The following AGBL4 variants were observed in gnomAD, a reference collection of about 807,000 sequenced individuals.
AGBL4 encodes the protein AGBL carboxypeptidase 4, also known as cytosolic carboxypeptidase 6.
Under a neutral mutation model 66.4 loss-of-function variants are expected in AGBL4, and 58 were observed. That is an observed-to-expected ratio of 0.87 (90% CI 0.71 to 1.09). The LOEUF (loss-of-function observed/expected upper bound fraction) is 1.09, where lower values mean the gene tolerates loss of function less well. Among genes scored for constraint, AGBL4 ranks in the 50% least tolerant of loss-of-function variants. The probability of loss-of-function intolerance (pLI) is 0.00; values close to 1 mark genes in which losing one functional copy is unlikely to be tolerated. For synonymous variants in AGBL4, 234 were observed against 222.9 expected (o/e 1.05, Z -0.44); for missense variants, 579 against 631.0 (o/e 0.92, Z 0.88).
At chr1:48,772,712 T>A (rs1644896993) in intron 6 of AGBL4, among the ~76,000 whole-genome samples, 1 of 152,096 alleles carries the variant, frequency 6.6e-6, no homozygotes, top group South Asian at 2.1e-4. Flanking sequence ...CTAAAAGCAA[T>A]TGGGAAAATA....
chr1:49,655,479 G>C (rs1373545871), intron 3 of AGBL4, among the ~76,000 whole-genome samples: 3 of 152,128 alleles, frequency 2.0e-5, no homozygotes, highest in African/African-American at 4.8e-5. Flanking sequence ...TTTGAAGGCA[G>C]AAATAAAGAT....
chr1:49,813,652 T>C (rs1033885238), intron 2 of AGBL4, among the ~76,000 whole-genome samples: 3 of 152,148 alleles, frequency 2.0e-5, no homozygotes, highest in Non-Finnish European at 4.4e-5. Flanking sequence ...GGACATAAAG[T>C]ACTCAATAAA....
At chr1:49,224,116 T>C (rs1649713296) in intron 4 of AGBL4, among the ~76,000 whole-genome samples, 1 of 152,208 alleles carries the variant, frequency 6.6e-6, no homozygotes, top group Non-Finnish European at 1.5e-5. Context: ...GCAGAAAATA[T>C]TGGCTAAAGA....
chr1:49,189,531 T>A (rs1647076037), intron 4 of AGBL4, among the ~76,000 whole-genome samples: 1 of 152,212 alleles, frequency 6.6e-6, no homozygotes, highest in Admixed American at 6.5e-5. Flanking sequence ...AACAGGTGGA[T>A]AATTATATGA....
intron 9 of AGBL4, among the ~76,000 whole-genome samples, chr1:48,598,210 T>C (rs1447630970): frequency 1.3e-5 from 2 of 152,184 alleles, no homozygotes; most frequent in African/African-American, 2.4e-5. Context: ...CTGAAAAACA[T>C]ACCTTGCCTA....
At chr1:48,573,991 G>A (rs887158653) in intron 11 of AGBL4, among the ~76,000 whole-genome samples, 2 of 152,166 alleles carry the variant, frequency 1.3e-5, no homozygotes, top group Non-Finnish European at 2.9e-5. Context: ...CACACAACTG[G>A]TAAATAGCAG....
At chr1:49,358,336 A>G (rs1644062824) in intron 3 of AGBL4, among the ~76,000 whole-genome samples, 1 of 152,134 alleles carries the variant, frequency 6.6e-6, no homozygotes, top group Non-Finnish European at 1.5e-5. Context: ...TTAGATATAG[A>G]TTGAATGAAA....
At chr1:48,933,593 T>C (rs1018784562) in intron 5 of AGBL4, among the ~76,000 whole-genome samples, 3 of 152,224 alleles carry the variant, frequency 2.0e-5, no homozygotes, top group Non-Finnish European at 4.4e-5. Flanking sequence ...ACTAGCTCTA[T>C]ATCCTAATAA....
intron 11 of AGBL4, among the ~76,000 whole-genome samples, chr1:48,569,748 T>C (rs1244884260): frequency 2.0e-5 from 3 of 152,216 alleles, no homozygotes; most frequent in Non-Finnish European, 4.4e-5. Flanking sequence ...AAATACTTGC[T>C]ATGTGACCTT....
At chr1:49,915,110 C>T (rs919833002) in intron 1 of AGBL4, among the ~76,000 whole-genome samples, 1 of 152,120 alleles carries the variant, frequency 6.6e-6, no homozygotes, top group African/African-American at 2.4e-5. Flanking sequence ...CGGGCAGTTC[C>T]AAGATGACCA....
chr1:49,669,588 T>C (rs1416326858), intron 3 of AGBL4, among the ~76,000 whole-genome samples: 2 of 152,152 alleles, frequency 1.3e-5, no homozygotes, highest in African/African-American at 4.8e-5. Context: ...TTCTGTGAAC[T>C]ATAAATGGCA....
intron 6 of AGBL4, chr1:48,727,965 T>C: frequency 1.2e-6 from 2 of 1,612,032 alleles, no homozygotes; most frequent in Non-Finnish European, 1.7e-6. Flanking sequence ...TTCACAGATG[T>C]ACTTGTTGAC....
At chr1:49,217,473 T>A (rs767797346) in intron 4 of AGBL4, among the ~76,000 whole-genome samples, 2 of 152,162 alleles carry the variant, frequency 1.3e-5, no homozygotes, top group Non-Finnish European at 2.9e-5. Flanking sequence ...GAAACCATCA[T>A]AATCTACATA....
intron 10 of AGBL4, 29 bp downstream of exon 10, chr1:48,590,804 G>A: frequency 6.3e-7 from 1 of 1,575,626 alleles, no homozygotes; most frequent in South Asian, 1.2e-5. Flanking sequence ...GGGGGGCTGG[G>A]GCTGGCTGAG....
chr1:49,796,119 A>G (rs1644723939), intron 2 of AGBL4, among the ~76,000 whole-genome samples: 1 of 151,982 alleles, frequency 6.6e-6, no homozygotes, highest in Non-Finnish European at 1.5e-5. Flanking sequence ...GGCAAAAGAT[A>G]TGAACAGGTA....
chr1:49,531,481 C>G (rs1651134534), intron 3 of AGBL4, among the ~76,000 whole-genome samples: 1 of 151,994 alleles, frequency 6.6e-6, no homozygotes, highest in Non-Finnish European at 1.5e-5. Context: ...ATGAGAATAA[C>G]CAAAGGATTT....
At chr1:49,718,281 T>C (rs1026221432) in intron 2 of AGBL4, among the ~76,000 whole-genome samples, 1 of 151,998 alleles carries the variant, frequency 6.6e-6, no homozygotes, top group African/African-American at 2.4e-5. Flanking sequence ...CATCTCACCA[T>C]TTCTCTCTCT....
intron 5 of AGBL4, among the ~76,000 whole-genome samples, chr1:49,015,511 C>T (rs1662750736): frequency 6.6e-6 from 1 of 150,944 alleles, no homozygotes; most frequent in Admixed American, 6.6e-5. Flanking sequence ...CAAGCTCCGC[C>T]TCCTGGGTTC....
At chr1:49,063,121 A>T (rs1431528155) in intron 4 of AGBL4, among the ~76,000 whole-genome samples, 6 of 151,740 alleles carry the variant, frequency 4.0e-5, no homozygotes, top group Non-Finnish European at 1.5e-5. Context: ...GAGGCAAGGA[A>T]TTTTTTTTTC....
Sources: gnomAD v4.1 joint callset for allele counts (sites outside exome capture counted in the v4.1 genomes callset) on GRCh38, gnomAD v4.1.1 for gene constraint, MANE v1.5 for transcripts, NCBI Gene and HGNC (gene_info 2026-07-23, HGNC 2026-07-21) for gene names.